CDH18: variants seen among roughly 807,000 people sequenced by gnomAD.
CDH18 encodes the protein cadherin 18, also known as cadherin-18.
A neutral mutation model predicts 67.9 loss-of-function variants in CDH18; 31 were observed. The ratio of observed to expected loss-of-function variants is 0.46; its 90% CI spans 0.34 to 0.62. The LOEUF (loss-of-function observed/expected upper bound fraction) is 0.62, where lower values mean the gene tolerates loss of function less well. Ranked by LOEUF, CDH18 falls within the 20% of genes least tolerant of loss-of-function variation. The pLI, the probability that CDH18 is intolerant of heterozygous loss-of-function variation, is 0.01. For synonymous variants in CDH18, 362 were observed against 347.2 expected (o/e 1.04, Z -0.48); for missense variants, 890 against 975.5 (o/e 0.91, Z 1.17).
At chr5:19,512,508 C>T (rs1745281946) in intron 10 of CDH18, among the ~76,000 whole-genome samples, 1 of 152,064 alleles carries the variant, frequency 6.6e-6, no homozygotes, top group Admixed American at 6.6e-5. Context: ...ACAAGGGTAA[C>T]ATTTACTCTT....
At chr5:20,056,430 A>G (rs1324730657) in intron 2 of CDH18, among the ~76,000 whole-genome samples, 1 of 64,958 alleles carries the variant, frequency 1.5e-5, no homozygotes, top group Non-Finnish European at 3.3e-5. Flanking sequence ...TGTCCTCTAT[A>G]TGTTCTCACT....
At chr5:19,484,384 A>G (rs1740011135) in intron 11 of CDH18, among the ~76,000 whole-genome samples, 1 of 152,180 alleles carries the variant, frequency 6.6e-6, no homozygotes, top group Non-Finnish European at 1.5e-5. Context: ...CCTGCTCAAC[A>G]CCACAATGTC....
chr5:20,165,349 T>C (rs1379703507), intron 2 of CDH18, among the ~76,000 whole-genome samples: 1 of 152,050 alleles, frequency 6.6e-6, no homozygotes, highest in Non-Finnish European at 1.5e-5. Flanking sequence ...ACTTTGAGGA[T>C]AGAGAAATGA....
intron 1 of CDH18, among the ~76,000 whole-genome samples, chr5:20,567,853 G>A (rs561442428): frequency 4.1e-4 from 62 of 152,124 alleles, no homozygotes; most frequent in Admixed American, 3.3e-3. Context: ...ATGCCTAATC[G>A]GTTTTACTCG....
At chr5:19,816,868 G>A (rs377548030) in intron 3 of CDH18, among the ~76,000 whole-genome samples, 1 of 151,752 alleles carries the variant, frequency 6.6e-6, no homozygotes, top group African/African-American at 2.4e-5. Flanking sequence ...TCAGTCAAAA[G>A]AGTGCAAAGA....
intron 1 of CDH18, among the ~76,000 whole-genome samples, chr5:20,531,703 A>T (rs62352734): frequency 0.021 from 3,219 of 152,160 alleles, 61 homozygotes; most frequent in African/African-American, 0.044. Context: ...ACACATGAAC[A>T]CAGAAAGGGG....
At chr5:19,638,977 G>T (rs370949952) in intron 5 of CDH18, among the ~76,000 whole-genome samples, 58 of 54,680 alleles carry the variant, frequency 1.1e-3, no homozygotes, top group East Asian at 2.2e-3. Flanking sequence ...TTTTGTTGCT[G>T]TTTTTTTTTT....
chr5:20,213,357 T>C (rs983617892), intron 2 of CDH18, among the ~76,000 whole-genome samples: 2 of 152,114 alleles, frequency 1.3e-5, no homozygotes, highest in African/African-American at 2.4e-5. Flanking sequence ...GTTTTCTTTT[T>C]TTTGTTGTGC....
At chr5:20,272,927 T>C (rs1206915308) in intron 1 of CDH18, among the ~76,000 whole-genome samples, 3 of 152,062 alleles carry the variant, frequency 2.0e-5, no homozygotes. Flanking sequence ...AATAGCTAAA[T>C]GCTAATGAAA....
In CDH18 at chr5:19,536,951, A is replaced by T. The variant is rs1005808827; in HGVS notation, c.1390+6918T>A. On this transcript the variant is annotated intron_variant, in intron 9 of 12. Transcript: ENST00000382275. ...ATGTGTAGTCAGGTTTGAGATCCAGATATTGTGAAAGATCACTCAGATAAC... is the reference window on the plus strand; with the variant it reads ...ATGTGTAGTCAGGTTTGAGATCCAGTTATTGTGAAAGATCACTCAGATAAC... Among the ~76,000 whole-genome samples, 4 of 152,284 alleles carry T rather than the reference A, an allele frequency of 2.6e-5. No individual in the cohort carries two copies. In the East Asian group the frequency reaches 5.8e-4, roughly 22 times the overall value.
chr5:19,929,779 T>C (rs1393893910), intron 2 of CDH18, among the ~76,000 whole-genome samples: 3 of 152,114 alleles, frequency 2.0e-5, no homozygotes, highest in Non-Finnish European at 4.4e-5. Context: ...TTACCTCTTA[T>C]TTGCATTCAT....
intron 3 of CDH18, among the ~76,000 whole-genome samples, chr5:19,808,994 A>G (rs1285719465): frequency 1.3e-5 from 2 of 152,144 alleles, no homozygotes; most frequent in Non-Finnish European, 2.9e-5. Context: ...ATGATAAAAG[A>G]ATACTGTATG....
chr5:20,558,524 A>C (rs1295338642), intron 1 of CDH18, among the ~76,000 whole-genome samples: 1 of 152,136 alleles, frequency 6.6e-6, no homozygotes, highest in Non-Finnish European at 1.5e-5. Flanking sequence ...CAGGTACTGC[A>C]TGCAGCGAAG....
At chr5:20,437,982 C>T (rs956442669) in intron 1 of CDH18, among the ~76,000 whole-genome samples, 1 of 151,112 alleles carries the variant, frequency 6.6e-6, no homozygotes, top group Admixed American at 6.6e-5. Context: ...ACAGATTTCA[C>T]TTGAAATATA....
At chr5:19,543,502 T>G (rs1010152757) in intron 9 of CDH18, among the ~76,000 whole-genome samples, 2 of 152,152 alleles carry the variant, frequency 1.3e-5, no homozygotes, top group African/African-American at 2.4e-5. Context: ...TTTTCTTTCT[T>G]TCTTTTTTCC....
intron 2 of CDH18, among the ~76,000 whole-genome samples, chr5:19,918,985 A>G (rs1372326305): frequency 6.6e-6 from 1 of 152,162 alleles, no homozygotes; most frequent in Non-Finnish European, 1.5e-5. Context: ...CCAGAAGATT[A>G]GAACGTTCAG....
intron 1 of CDH18, among the ~76,000 whole-genome samples, chr5:20,256,201 G>T (rs1452212416): frequency 1.3e-5 from 2 of 151,868 alleles, no homozygotes; most frequent in African/African-American, 2.4e-5. Flanking sequence ...ATGCTCATTG[G>T]ATCGAAGTGT....
chr5:20,437,658 T>C (rs1489738512), intron 1 of CDH18, among the ~76,000 whole-genome samples: 3 of 151,482 alleles, frequency 2.0e-5, no homozygotes, highest in Admixed American at 1.3e-4. Flanking sequence ...TAAATGAACG[T>C]TCTGCTGAAA....
intron 4 of CDH18, among the ~76,000 whole-genome samples, chr5:19,746,418 T>C (rs1162183289): frequency 6.6e-6 from 1 of 152,250 alleles, no homozygotes; most frequent in Non-Finnish European, 1.5e-5. Flanking sequence ...GGCTGTCATA[T>C]ATTTTTAAAT....
Sources: gnomAD v4.1 joint callset for allele counts (sites outside exome capture counted in the v4.1 genomes callset) on GRCh38, gnomAD v4.1.1 for gene constraint, MANE v1.5 for transcripts, NCBI Gene and HGNC (gene_info 2026-07-23, HGNC 2026-07-21) for gene names.